WNT7B: variants seen among roughly 807,000 people sequenced by gnomAD.
WNT7B encodes Wnt family member 7B.
In WNT7B, 19 loss-of-function variants were observed where a neutral mutation model predicts 38.2. The observed-to-expected ratio is 0.50, with a 90% confidence interval of 0.35 to 0.73. The LOEUF (loss-of-function observed/expected upper bound fraction) is 0.73. Among genes scored for constraint, WNT7B ranks in the 30% least tolerant of loss-of-function variants. The pLI, the probability that WNT7B is intolerant of heterozygous loss-of-function variation, is 0.01. For missense variants in WNT7B, 423 were observed against 507.9 expected (o/e 0.83, Z 1.61); for synonymous variants, 243 against 209.3 (o/e 1.16, Z -1.39).
At position 45,926,647 on chromosome 22, in the gene WNT7B, G is replaced by C. The variant is rs572240665; in HGVS notation, c.571-3312C>G. On this transcript the variant is annotated intron_variant, in intron 3 of 3. Coordinates refer to ENST00000339464, the MANE Select transcript of WNT7B (RefSeq NM_058238.3). ...CCATGGCCTGCGGCTGTGGAATGAG[G>C]TGCCTCACACCCTCTTCCACAGCAC... 4.1e-3 allele frequency: 4,054 copies of C among 985,356 alleles called. 8 individuals carry two copies. The highest frequency in any genetic ancestry group is 4.7e-3 in the Non-Finnish European group (3,866 of 829,916). 61.0% of individuals were successfully genotyped at this position (985,356 alleles called of 1,614,324 possible).
chr22:45,930,359 G>T (rs1196444801), intron 3 of WNT7B, among the ~76,000 whole-genome samples: 1 of 152,274 alleles, frequency 6.6e-6, no homozygotes, highest in African/African-American at 2.4e-5. Flanking sequence ...AGCCCCCTAG[G>T]CTCTGCTGCC....
chr22:45,975,398 C>T lies in WNT7B; in HGVS notation c.71+1286G>A. ...AACAAACACCCAGGGACACAGCCTACCCACAGACCTATGATAAACGGGGCT... is the reference window on the plus strand; with the variant it reads ...AACAAACACCCAGGGACACAGCCTATCCACAGACCTATGATAAACGGGGCT... On this transcript the variant is annotated intron_variant, in intron 1 of 3. Coordinates refer to ENST00000339464, the MANE Select transcript of WNT7B (RefSeq NM_058238.3). This position sits in a 1 kb window ranked among gnomAD's most constrained non-coding sequence, Gnocchi z 6.6. 3.4e-6 allele frequency: 2 copies of T among 588,226 alleles called. No individual in the cohort carries two copies. Among genetic ancestry groups the T allele is most frequent in the East Asian group, 5.8e-5 (2 of 34,456 alleles). 36.4% of individuals were successfully genotyped at this position (588,226 alleles called of 1,614,324 possible).
rs1025526662 is a variant in WNT7B, at chr22:45,966,670, G to A, written c.71+10014C>T. Among the ~76,000 whole-genome samples the A allele has an allele frequency of 5.3e-4, 80 of 152,190 alleles. 1 individual carries two copies. The highest frequency in any genetic ancestry group is 1.8e-3 in the African/African-American group (73 of 41,436). On this transcript the variant is annotated intron_variant, in intron 1 of 3. Coordinates refer to ENST00000339464, the MANE Select transcript of WNT7B (RefSeq NM_058238.3). The surrounding 1 kb of genome is among the most constrained non-coding windows in gnomAD (Gnocchi z 4.2). ...CAAAGGCTGCTTGGGGGAGCAGGAC[G>A]TTAGTGTCTTCTGCACACAGCCTCA...
chr22:45,925,470 G>A, intron 3 of WNT7B: 5 of 985,316 alleles, frequency 5.1e-6, no homozygotes, highest in Non-Finnish European at 6.0e-6. Flanking sequence ...CAGCTTTGGG[G>A]AATTGCAGGG....
intron 3 of WNT7B, among the ~76,000 whole-genome samples, chr22:45,924,477 C>G (rs926379270): frequency 6.6e-6 from 1 of 152,218 alleles, no homozygotes; most frequent in African/African-American, 2.4e-5. Flanking sequence ...CCTAATCCTG[C>G]TGCAGTGAGG....
intron 2 of WNT7B, among the ~76,000 whole-genome samples, chr22:45,948,576 C>T (rs564515429): frequency 9.8e-5 from 15 of 152,346 alleles, no homozygotes; most frequent in African/African-American, 2.9e-4. Flanking sequence ...GCAAGCCTGG[C>T]ACTCTGCCAG....
intron 3 of WNT7B, among the ~76,000 whole-genome samples, chr22:45,930,154 G>A (rs372500975): frequency 1.3e-5 from 2 of 152,212 alleles, no homozygotes; most frequent in African/African-American, 2.4e-5. Context: ...ACCGTCCTGG[G>A]TGTGACCCCT....
chr22:45,937,173 G>A (rs1240454447), intron 2 of WNT7B, among the ~76,000 whole-genome samples: 1 of 152,212 alleles, frequency 6.6e-6, no homozygotes, highest in Non-Finnish European at 1.5e-5. Flanking sequence ...GCCCAGAGGT[G>A]GGCAGCATGC....
At chr22:45,954,907 G>T in intron 1 of WNT7B, 1 of 312,552 alleles carries the variant, frequency 3.2e-6, no homozygotes, top group Non-Finnish European at 4.6e-6. Flanking sequence ...GCAGATTAGA[G>T]CTCAGAGAGG....
At chr22:45,960,407 G>A (rs1275032727) in intron 1 of WNT7B, among the ~76,000 whole-genome samples, 1 of 152,164 alleles carries the variant, frequency 6.6e-6, no homozygotes, top group Non-Finnish European at 1.5e-5. Context: ...CCAGGGCAGG[G>A]GTCCCCAGAA....
At chr22:45,934,860 G>A (rs576355523) in intron 2 of WNT7B, among the ~76,000 whole-genome samples, 1 of 152,388 alleles carries the variant, frequency 6.6e-6, no homozygotes, top group African/African-American at 2.4e-5. Context: ...GCTGCAGAGA[G>A]TCATAGTTTT....
intron 3 of WNT7B, 139 bp from the exon 4 acceptor site, chr22:45,923,474 T>C: frequency 7.9e-7 from 1 of 1,266,822 alleles, no homozygotes; most frequent in African/African-American, 1.5e-5. Flanking sequence ...TGTCTCTCCC[T>C]CTCTGACCCT....
intron 3 of WNT7B, among the ~76,000 whole-genome samples, chr22:45,928,812 C>T (rs1488751264): frequency 3.3e-5 from 5 of 152,126 alleles, no homozygotes; most frequent in Admixed American, 6.5e-5. Context: ...AGCCCAGAGA[C>T]CAACACCACC....
chr22:45,926,471 T>C (rs532528314), intron 3 of WNT7B: 49 of 985,346 alleles, frequency 5.0e-5, no homozygotes, highest in Non-Finnish European at 5.4e-5. Flanking sequence ...TAGCCTGTGC[T>C]CTGGAAACAG....
chr22:45,964,425 C>A (rs903477248), intron 1 of WNT7B, among the ~76,000 whole-genome samples: 3 of 152,134 alleles, frequency 2.0e-5, no homozygotes, highest in Non-Finnish European at 4.4e-5. Flanking sequence ...GGCCAGCCCC[C>A]CCCAGGCTGA....
In WNT7B at chr22:45,956,165, G is replaced by A. The variant is rs74372239; in HGVS notation, c.72-6019C>T. Among the ~76,000 whole-genome samples, 1,168 of 152,306 alleles carry A rather than the reference G, an allele frequency of 7.7e-3. 28 individuals are homozygous for A. Among genetic ancestry groups the A allele is most frequent in the Admixed American group, 0.048 (735 of 15,306 alleles). The stretch of plus-strand genomic sequence containing the variant: ...CCAGCCCCACAGCCCTGGGGTGCCT[G>A]AGTCTGCAAATTCCTAGCTGTGAGA... On this transcript the variant is annotated intron_variant, in intron 1 of 3. Coordinates refer to ENST00000339464, the MANE Select transcript of WNT7B (RefSeq NM_058238.3).
At chr22:45,959,436 C>T (rs1469550454) in intron 1 of WNT7B, among the ~76,000 whole-genome samples, 1 of 152,096 alleles carries the variant, frequency 6.6e-6, no homozygotes, top group Non-Finnish European at 1.5e-5. Context: ...AAGTCGCCCT[C>T]GAGAGGGCAC....
chr22:45,943,760 C>CACACA (rs1246358034), intron 2 of WNT7B, among the ~76,000 whole-genome samples: 1 of 152,170 alleles, frequency 6.6e-6, no homozygotes, highest in Non-Finnish European at 1.5e-5. Flanking sequence ...GGACCTGAGG[C>CACACA]GGTCATGTGA....
intron 2 of WNT7B, among the ~76,000 whole-genome samples, chr22:45,943,393 G>A (rs991033685): frequency 2.0e-5 from 3 of 152,254 alleles, no homozygotes; most frequent in Non-Finnish European, 4.4e-5. Context: ...GCCCTCACAC[G>A]CCAAGCGGCA....
Sources: gnomAD v4.1 joint callset for allele counts (sites outside exome capture counted in the v4.1 genomes callset) on GRCh38, gnomAD v4.1.1 for gene constraint, Gnocchi (gnomAD v3.1) non-coding constraint, MANE v1.5 for transcripts, NCBI Gene and HGNC (gene_info 2026-07-23, HGNC 2026-07-21) for gene names.